Variants in ANK2 observed in about 807,000 individuals in gnomAD.
ANK2 encodes the protein ankyrin 2.
In ANK2, 83 loss-of-function variants were observed where a neutral mutation model predicts 360.5. The observed-to-expected ratio is 0.23, with a 90% CI of 0.19 to 0.28. The LOEUF is 0.28. ANK2 is among the 10% of genes least tolerant of loss of function. The probability of loss-of-function intolerance (pLI) is 1.00; values close to 1 mark genes in which losing one functional copy is unlikely to be tolerated. For missense variants in ANK2, 4,201 were observed against 4,795.7 expected, an observed-to-expected ratio of 0.88 and a Z score of 3.66; for synonymous variants, 1,740 against 1,759.5, an observed-to-expected ratio of 0.99 and a Z score of 0.28.
chr4:113,308,887 G>T (rs1010105978), intron 23 of ANK2, among the ~76,000 whole-genome samples: 1 of 152,122 alleles, frequency 6.6e-6, no homozygotes, highest in Non-Finnish European at 1.5e-5. Flanking sequence ...AGTTGGGAGG[G>T]GATGAGGCTT....
chr4:113,025,819 G>A (rs116822737), intron 2 of ANK2, among the ~76,000 whole-genome samples: 3,374 of 152,220 alleles, frequency 0.022, 56 homozygotes, highest in South Asian at 0.043. Flanking sequence ...GAGATGTAGA[G>A]GTATGGGTAG....
At chr4:112,987,167 T>A (rs1282725499) in intron 2 of ANK2, among the ~76,000 whole-genome samples, 1 of 152,220 alleles carries the variant, frequency 6.6e-6, no homozygotes, top group East Asian at 1.9e-4. Context: ...TGCATGGGTC[T>A]ATATTCTCAT....
chr4:112,761,091 A>T, the ANK2 span, among the ~76,000 whole-genome samples: 1 of 151,862 alleles, frequency 6.6e-6, no homozygotes, highest in Non-Finnish European at 1.5e-5. Context: ...ACAGGCATGA[A>T]CCACCGCACC....
At chr4:113,323,858 CCTT>C in intron 26 of ANK2, 1 of 1,493,022 alleles carries the variant, frequency 6.7e-7, no homozygotes, top group Non-Finnish European at 9.2e-7. Flanking sequence ...TTCGCCATCT[CCTT>C]CTGCATATTC....
intron 21 of ANK2, among the ~76,000 whole-genome samples, chr4:113,292,777 T>C (rs2068455779): frequency 1.3e-5 from 2 of 152,112 alleles, no homozygotes; most frequent in Non-Finnish European, 2.9e-5. Flanking sequence ...TGCTGGAACG[T>C]GCTCTGCTTA....
chr4:113,134,142 G>A (rs958481214), intron 1 of ANK2, among the ~76,000 whole-genome samples: 3 of 152,018 alleles, frequency 2.0e-5, no homozygotes, highest in African/African-American at 7.2e-5. Context: ...CTAAGTCTTG[G>A]ATGTCATCAA....
intron 1 of ANK2, among the ~76,000 whole-genome samples, chr4:113,134,897 A>G (rs1250798218): frequency 6.6e-6 from 1 of 152,220 alleles, no homozygotes; most frequent in African/African-American, 2.4e-5. Context: ...GACCATAGAA[A>G]CTTAAAAATT....
chr4:113,102,403 G>A (rs372878718), intron 1 of ANK2, among the ~76,000 whole-genome samples: 2 of 152,058 alleles, frequency 1.3e-5, no homozygotes, highest in South Asian at 2.1e-4. Context: ...CAGATGGGCA[G>A]CTCAGAAAAG....
At chr4:112,873,102 T>C (rs2073829880) in intron 1 of ANK2, among the ~76,000 whole-genome samples, 1 of 152,106 alleles carries the variant, frequency 6.6e-6, no homozygotes, top group South Asian at 2.1e-4. Context: ...AATTTGAATT[T>C]TCTCTCTTTT....
chr4:112,987,341 T>G (rs531201139), intron 2 of ANK2, among the ~76,000 whole-genome samples: 91 of 152,240 alleles, frequency 6.0e-4, no homozygotes, highest in African/African-American at 2.1e-3. Flanking sequence ...CTGGTGATGT[T>G]CTCTATACTC....
chr4:112,936,482 A>T (rs1435816714), intron 2 of ANK2, among the ~76,000 whole-genome samples: 2 of 151,614 alleles, frequency 1.3e-5, no homozygotes. Flanking sequence ...AGTAGCTGGG[A>T]TTACAGGCGC....
Position 113,185,328 on chromosome 4 carries a change from CAATACTGTAAAAGTGCT to C in ANK2, c.186+10812_186+10828del, listed in dbSNP as rs975669886. On this transcript the variant is annotated intron_variant, in intron 2 of 45. Transcript: ENST00000357077. ...TGGTTGAGCTAATTTACACTCCCACCAATACTGTAAAAGTGCTCCTATTTCTCCAAATCCTCTCCAGC... is the reference window on the plus strand; with the variant it reads ...TGGTTGAGCTAATTTACACTCCCACCCCTATTTCTCCAAATCCTCTCCAGC... 5.9e-5 allele frequency among the ~76,000 whole-genome samples: 9 copies of C among 152,332 alleles called. No homozygotes were observed. The South Asian group carries it at 1.4e-3, about 25-fold the overall frequency.
intron 2 of ANK2, among the ~76,000 whole-genome samples, chr4:112,911,959 C>T (rs374894809): frequency 6.1e-4 from 93 of 151,948 alleles, no homozygotes; most frequent in African/African-American, 2.1e-3. Flanking sequence ...AGGTGGATCA[C>T]GAGGTCAGGA....
At chr4:113,048,294 T>A (rs943547277), upstream of ANK2, among the ~76,000 whole-genome samples, 8 of 121,278 alleles carry the variant, frequency 6.6e-5, no homozygotes, top group Admixed American at 2.5e-4. Flanking sequence ...TTTTTTTTTT[T>A]TTTTTTTTTT....
chr4:112,914,443 G>T (rs7681372), intron 2 of ANK2, among the ~76,000 whole-genome samples: 2 of 151,696 alleles, frequency 1.3e-5, no homozygotes, highest in African/African-American at 2.4e-5. Context: ...CAACATGATG[G>T]AACCCCGTCT....
chr4:113,061,658 A>G (rs1042575445), intron 1 of ANK2, among the ~76,000 whole-genome samples: 7 of 152,140 alleles, frequency 4.6e-5, no homozygotes, highest in Admixed American at 1.3e-4. Context: ...ATTTTTTAAA[A>G]AAGATAAACT....
chr4:112,748,373 GC>G, the ANK2 span, among the ~76,000 whole-genome samples: 1 of 152,138 alleles, frequency 6.6e-6, no homozygotes, highest in African/African-American at 2.4e-5. Context: ...TTAGACTTGA[GC>G]CTGCTATGGA....
Position 113,174,454 on chromosome 4 carries a change from A to G in ANK2, c.123A>G (p.Ala41=). ...SNASFLRAAR[A]GNLDKVVEYL... ...CAAGCTTCCTCCGTGCTGCCAGAGC[A>G]GGCAACCTGGACAAAGTTGTGGAAT... is the stretch of plus-strand genomic sequence containing the variant. Residue 41 remains alanine (A), a synonymous_variant, in exon 2 of 46, where the codon GCA becomes GCG. Coordinates refer to ENST00000357077, the MANE Select transcript of ANK2 (RefSeq NM_001148.6). The G allele has an allele frequency of 6.2e-7, 1 of 1,613,340 alleles. No individual in the cohort carries two copies. The highest frequency in any genetic ancestry group is 8.5e-7 in the Non-Finnish European group (1 of 1,179,504).
At chr4:112,815,180 G>A (rs1047349080), upstream of ANK2, among the ~76,000 whole-genome samples, 1 of 152,048 alleles carries the variant, frequency 6.6e-6, no homozygotes, top group African/African-American at 2.4e-5. Flanking sequence ...CACCACTGGC[G>A]AGAATTCACT....
Sources: gnomAD v4.1 joint callset for allele counts (sites outside exome capture counted in the v4.1 genomes callset) on GRCh38, gnomAD v4.1.1 for gene constraint, MANE v1.5 for transcripts, NCBI Gene and HGNC (gene_info 2026-07-23, HGNC 2026-07-21) for gene names.